Variants in TECR observed in about 807,000 individuals in gnomAD.
TECR encodes very-long-chain enoyl-CoA reductase.
In TECR, 19 loss-of-function variants were observed where a neutral mutation model predicts 50.6. That is an observed-to-expected ratio of 0.38 (90% CI 0.26 to 0.55). The LOEUF (loss-of-function observed/expected upper bound fraction) is 0.55. Among genes scored for constraint, TECR ranks in the 20% least tolerant of loss-of-function variants. TECR has a pLI of 0.79. For synonymous variants in TECR, 168 were observed against 163.5 expected, an observed-to-expected ratio of 1.03 and a Z score of -0.21; for missense variants, 313 against 408.3, an observed-to-expected ratio of 0.77 and a Z score of 2.01.
rs976917153 is a variant in TECR, at chr19:14,563,535, G to A, written c.119-123G>A. ...CCTGAGGGTTTGCCCCCAGGTGGGA[G>A]GAGCTGTGGAGTCCTGGGGTCCTTG... On this transcript the variant is annotated intron_variant, in intron 3 of 12. Coordinates refer to ENST00000215567, the MANE Select transcript of TECR (RefSeq NM_138501.6). This position sits in a 1 kb window ranked among gnomAD's most constrained non-coding sequence, Gnocchi z 5.3. 3.1e-6 allele frequency: 4 copies of A among 1,289,560 alleles called. No homozygotes were observed. The African/African-American group carries it at 5.9e-5, about 19-fold the overall frequency. The allele number at this position is 1,289,560 out of a possible 1,614,324, so 79.9% of individuals were successfully genotyped here.
chr19:14,532,055 T>C (rs966877144), intron 1 of TECR: 2 of 147,828 alleles, frequency 1.4e-5, no homozygotes, highest in Admixed American at 6.8e-5. Context: ...GCTTGAAACA[T>C]GCAGTTTGGA....
At chr19:14,559,553 C>T (rs889695210) in intron 1 of TECR, among the ~76,000 whole-genome samples, 1 of 152,016 alleles carries the variant, frequency 6.6e-6, no homozygotes, top group Admixed American at 6.6e-5. Flanking sequence ...TTTGGGAGGC[C>T]GAGGTGGTGG....
rs1161257175 is a variant in TECR, at chr19:14,535,756, CAAAAAAAAAAA to C, written c.15+6056_15+6066del. Among the ~76,000 whole-genome samples the C allele has an allele frequency of 1.3e-4, 7 of 51,946 alleles. No homozygotes were observed. The East Asian group carries it at 5.2e-3, about 39-fold the overall frequency. 34.1% of individuals were successfully genotyped at this position (51,946 alleles called of 152,430 possible). ...TGGGCAACAGAGTGAGACTCTGTCT[CAAAAAAAAAAA>C]AAAAAAAAAAGGGAAAGTGGTGAGC... On this transcript the variant is annotated intron_variant, in intron 1 of 12. Transcript: ENST00000215567.
At chr19:14,535,693 C>T (rs73002838) in intron 1 of TECR, among the ~76,000 whole-genome samples, 44,967 of 129,286 alleles carry the variant, frequency 0.35, 8,246 homozygotes, top group Middle Eastern at 0.42. Flanking sequence ...AGGTGGAGGT[C>T]GCGGACGAGC....
Position 14,563,477 on chromosome 19 carries a change from G to A in TECR, c.119-181G>A. 4 of 862,308 alleles carry A rather than the reference G, an allele frequency of 4.6e-6. No homozygotes were observed. Among genetic ancestry groups the A allele is most frequent in the Non-Finnish European group, 5.5e-6 (3 of 541,726 alleles). 53.4% of individuals were successfully genotyped at this position (862,308 alleles called of 1,614,324 possible). On this transcript the variant is annotated intron_variant, in intron 3 of 12. Coordinates refer to ENST00000215567, the MANE Select transcript of TECR (RefSeq NM_138501.6). The surrounding 1 kb of genome is among the most constrained non-coding windows in gnomAD (Gnocchi z 5.3). ...AGGACAAGATCCTGCTTCTGCCCGCGCTCTTCTGGCTTGTGTCCTGAAACC... is the reference window on the plus strand; with the variant it reads ...AGGACAAGATCCTGCTTCTGCCCGCACTCTTCTGGCTTGTGTCCTGAAACC...
chr19:14,544,802 T>G (rs888185748), intron 1 of TECR, among the ~76,000 whole-genome samples: 1 of 152,022 alleles, frequency 6.6e-6, no homozygotes, highest in Admixed American at 6.6e-5. Context: ...CCGGCTAATT[T>G]GAAAATTTTC....
At chr19:14,536,444 A>G (rs1263961655) in intron 1 of TECR, among the ~76,000 whole-genome samples, 15 of 151,594 alleles carry the variant, frequency 9.9e-5, no homozygotes, top group Admixed American at 6.6e-4. Flanking sequence ...TAATTTTTGT[A>G]TTTTTAGTAG....
At chr19:14,559,314 G>T (rs2073836662) in intron 1 of TECR, among the ~76,000 whole-genome samples, 2 of 151,926 alleles carry the variant, frequency 1.3e-5, no homozygotes, top group Admixed American at 1.3e-4. Flanking sequence ...AGGAGACCGG[G>T]TACCCAGCAG....
Position 14,564,013 on chromosome 19 carries a change from T to C in TECR, c.299T>C (p.Phe100Ser). The change falls in exon 6 of 13, where the codon TTC becomes TCC. Residue 100 changes from phenylalanine (F) to serine (S), a missense_variant. Coordinates refer to ENST00000215567, the MANE Select transcript of TECR (RefSeq NM_138501.6). ...CTAACAGAGTACGCGGGGCCCCTTT[T>C]CATCTACCTGCTCTTCTACTTCCGA... ...VFLTEYAGPL[F>S]IYLLFYFRVP... 1 of 1,613,982 alleles carries C rather than the reference T, an allele frequency of 6.2e-7. No individual in the cohort carries two copies. Among genetic ancestry groups the C allele is most frequent in the Non-Finnish European group, 8.5e-7 (1 of 1,179,942 alleles).
At chr19:14,557,648 C>T (rs1488655926) in intron 1 of TECR, among the ~76,000 whole-genome samples, 1 of 151,670 alleles carries the variant, frequency 6.6e-6, no homozygotes, top group Non-Finnish European at 1.5e-5. Context: ...GACGGGGTTT[C>T]GCCATGTTGT....
At chr19:14,535,588 A>ATG (rs1260818943) in intron 1 of TECR, among the ~76,000 whole-genome samples, 2 of 40,750 alleles carry the variant, frequency 4.9e-5, no homozygotes, top group Non-Finnish European at 1.1e-4. Flanking sequence ...ATATATATAT[A>ATG]TGTATGTATA....
rs2073939257 is a variant in TECR at position 14,562,723 on chromosome 19, GCCATGTCC to G, written c.66+151_66+158del. 8 of 903,214 alleles carry G rather than the reference GCCATGTCC, an allele frequency of 8.9e-6. No homozygotes were observed. In the South Asian group the frequency reaches 1.1e-4, roughly 13 times the overall value. The allele number at this position is 903,214 out of a possible 1,614,324, so 55.9% of individuals were successfully genotyped here. ...GCCCTCACTTGGGGTAGGGTGGATA[GCCATGTCC>G]CCTGGGTGTGGCGGGGAAATGGAGG... On this transcript the variant is annotated intron_variant, in intron 2 of 12. Coordinates refer to ENST00000215567, the MANE Select transcript of TECR (RefSeq NM_138501.6).
intron 1 of TECR, among the ~76,000 whole-genome samples, chr19:14,539,213 C>T (rs1333328290): frequency 1.5e-5 from 2 of 135,792 alleles, no homozygotes; most frequent in African/African-American, 5.6e-5. Context: ...CCAGGATGGT[C>T]TCGATCTCCT....
At position 14,542,347 on chromosome 19, in the gene TECR, G is replaced by GGTTTTTTTTTT. The variant is rs2073124658; in HGVS notation, c.15+12636_15+12637insGTTTTTTTTTT. Among the ~76,000 whole-genome samples, 67 of 43,304 alleles carry GGTTTTTTTTTT rather than the reference G, an allele frequency of 1.5e-3. 1 individual carries two copies. Among genetic ancestry groups the GGTTTTTTTTTT allele is most frequent in the African/African-American group, 4.5e-3 (55 of 12,328 alleles). 28.4% of individuals were successfully genotyped at this position (43,304 alleles called of 152,430 possible). On this transcript the variant is annotated intron_variant, in intron 1 of 12. Coordinates refer to ENST00000215567, the MANE Select transcript of TECR (RefSeq NM_138501.6). Reference sequence around the variant, plus strand: ...CCTCAGGGGGCCCTCATGCCATAGTGTTTTTTTTTTTTTTTTTTTTTTTTT... The same window carrying GGTTTTTTTTTT: ...CCTCAGGGGGCCCTCATGCCATAGTGGTTTTTTTTTTTTTTTTTTTTTTTTTTTTTTTTTTT...
chr19:14,531,925 C>T (rs1370130725), intron 1 of TECR: 1 of 149,544 alleles, frequency 6.7e-6, no homozygotes, highest in Non-Finnish European at 1.5e-5. Flanking sequence ...AGGAGGATGG[C>T]TTGAGCCCAG....
upstream of TECR, chr19:14,529,334 C>T (rs1356102886): frequency 2.2e-6 from 1 of 446,010 alleles, no homozygotes; most frequent in Non-Finnish European, 4.2e-6. Context: ...GCGACGCCAT[C>T]AGGGGGCGTG....
chr19:14,529,429 GC>G (rs926354904), upstream of TECR: 7 of 611,656 alleles, frequency 1.1e-5, no homozygotes, highest in African/African-American at 3.6e-5. Flanking sequence ...CAGGCGTTCC[GC>G]CCCCTTCGAT....
chr19:14,546,746 G>A (rs182993461), intron 1 of TECR, among the ~76,000 whole-genome samples: 2 of 151,836 alleles, frequency 1.3e-5, no homozygotes, highest in African/African-American at 4.8e-5. Flanking sequence ...GTGCCGTGTC[G>A]CGATCTTGGC....
chr19:14,562,693 G>A (rs1050138099), intron 2 of TECR, 118 bp downstream of exon 2: 15 of 1,186,370 alleles, frequency 1.3e-5, no homozygotes, highest in Non-Finnish European at 1.9e-5. Flanking sequence ...CCTATGGAGG[G>A]GTATGCCCTC....
Sources: allele counts gnomAD v4.1 joint callset (sites outside exome capture counted in the v4.1 genomes callset), GRCh38; gene constraint gnomAD v4.1.1; non-coding constraint Gnocchi (gnomAD v3.1); transcripts MANE v1.5; gene names NCBI Gene and HGNC (gene_info 2026-07-23, HGNC 2026-07-21).